Variants in NCAPG observed in about 807,000 individuals in gnomAD.
NCAPG encodes the protein non-SMC condensin I complex subunit G, also known as condensin complex subunit 3.
Under a neutral mutation model 113.1 loss-of-function variants are expected in NCAPG, and 69 were observed. The observed-to-expected ratio is 0.61, with a 90% confidence interval of 0.50 to 0.75. The LOEUF is 0.75. Ranked by LOEUF, NCAPG falls within the 30% of genes least tolerant of loss-of-function variation. NCAPG has a pLI of 0.00. For missense variants in NCAPG, 1,058 were observed against 1,177.0 expected (o/e 0.90, Z 1.48); for synonymous variants, 370 against 415.8 (o/e 0.89, Z 1.34).
chr4:17,836,393 C>CT (rs924958356), intron 14 of NCAPG, among the ~76,000 whole-genome samples: 1 of 151,952 alleles, frequency 6.6e-6, no homozygotes, highest in African/African-American at 2.4e-5. Context: ...TACAGGTTGT[C>CT]TTTTTACTTT....
intron 3 of NCAPG, 24 bp from the exon 4 acceptor site, chr4:17,814,829 T>C (rs1325579770): frequency 1.2e-6 from 2 of 1,604,248 alleles, no homozygotes; most frequent in East Asian, 4.5e-5. Context: ...TCATCAGTAC[T>C]AAAATGTATT....
At chr4:17,825,592 A>C in intron 11 of NCAPG, 31 bp downstream of exon 11, 514 of 1,500,272 alleles carry the variant, frequency 3.4e-4, no homozygotes, top group Non-Finnish European at 4.2e-4. Flanking sequence ...ACTAAATCTC[A>C]GGTGTTATTA....
chr4:17,831,548 G>C (rs986609430), intron 13 of NCAPG, among the ~76,000 whole-genome samples: 1 of 152,146 alleles, frequency 6.6e-6, no homozygotes, highest in East Asian at 1.9e-4. Flanking sequence ...GTGGGAAGGA[G>C]GAGAGGGAAC....
rs1722694633 is a variant in NCAPG, at chr4:17,844,120, C to A, written c.*695C>A. 1 of 151,784 alleles carries A rather than the reference C, an allele frequency of 6.6e-6. No individual in the cohort carries two copies. Among genetic ancestry groups the A allele is most frequent in the African/African-American group, 2.4e-5 (1 of 41,372 alleles). 9.4% of individuals were successfully genotyped at this position (151,784 alleles called of 1,614,324 possible). ...ATGAAGCTGCTCGCTATATTTTTGGCATAACAAAATAATATTTATTTACTG... is the reference window on the plus strand; with the variant it reads ...ATGAAGCTGCTCGCTATATTTTTGGAATAACAAAATAATATTTATTTACTG... On this transcript the variant is annotated 3_prime_UTR_variant, in exon 21 of 21. Transcript: ENST00000251496.
At chr4:17,833,580 CTTAA>C (rs1721965471) in intron 13 of NCAPG, among the ~76,000 whole-genome samples, 1 of 149,798 alleles carries the variant, frequency 6.7e-6, no homozygotes, top group Non-Finnish European at 1.5e-5. Context: ...TTTTTAATAT[CTTAA>C]TTAAATCCTA....
intron 14 of NCAPG, 51 bp downstream of exon 14, chr4:17,834,574 T>C: frequency 2.6e-6 from 3 of 1,164,444 alleles, no homozygotes; most frequent in Non-Finnish European, 3.5e-6. Context: ...TCAGCATGTA[T>C]TTGTTTATTA....
In NCAPG at chr4:17,833,485, T is replaced by TTTGTTGTTGTTG. The variant is rs11431250; in HGVS notation, c.1885-799_1885-788dup. Among the ~76,000 whole-genome samples, 17 of 148,456 alleles carry TTTGTTGTTGTTG rather than the reference T, an allele frequency of 1.1e-4. 1 individual carries two copies. The East Asian group carries it at 2.0e-3, about 17-fold the overall frequency. On this transcript the variant is annotated intron_variant, in intron 13 of 20. Transcript: ENST00000251496. ...AAAAAAAAAAATATATATATATATTTTTGTTGTTGTTGTTGTTGTTGTTGT... is the reference window on the plus strand; with the variant it reads ...AAAAAAAAAAATATATATATATATTTTTGTTGTTGTTGTTGTTGTTGTTGTTGTTGTTGTTGT...
intron 16 of NCAPG, among the ~76,000 whole-genome samples, chr4:17,839,167 T>C (rs1399126092): frequency 6.6e-6 from 1 of 152,154 alleles, no homozygotes; most frequent in Non-Finnish European, 1.5e-5. Context: ...AAAAGTAGAT[T>C]GGGGCATAGC....
chr4:17,831,140 C>T, intron 13 of NCAPG, 24 bp downstream of exon 13: 1 of 1,608,474 alleles, frequency 6.2e-7, no homozygotes. Context: ...TGTGATAAAT[C>T]TCAACTGTAT....
At chr4:17,831,741 G>A (rs1438472806) in intron 13 of NCAPG, among the ~76,000 whole-genome samples, 1 of 152,144 alleles carries the variant, frequency 6.6e-6, no homozygotes, top group East Asian at 1.9e-4. Context: ...AGGAAAGATT[G>A]AGCAAAGGGA....
chr4:17,834,434 A>G lies in NCAPG; in HGVS notation c.2020A>G (p.Ser674Gly). 6.2e-7 allele frequency: 1 copy of G among 1,611,716 alleles called. No homozygotes were observed. Among genetic ancestry groups the G allele is most frequent in the Non-Finnish European group, 8.5e-7 (1 of 1,178,768 alleles). ...TLHCEGTEIN[S>G]DDEQESKEVE... is the part of the protein sequence containing the mutation. ...TCATTGTGAAGGTACAGAAATAAACAGTGATGATGAGCAAGAATCAAAAGA... is the reference window on the plus strand; with the variant it reads ...TCATTGTGAAGGTACAGAAATAAACGGTGATGATGAGCAAGAATCAAAAGA... The change falls in exon 14 of 21, where the codon AGT (serine) becomes GGT (glycine). Residue 674 changes from serine to glycine, a missense_variant. Physicochemically the swap from Ser to Gly is moderately conservative, Grantham distance 56. Coordinates refer to ENST00000251496, the MANE Select transcript of NCAPG (RefSeq NM_022346.5).
At chr4:17,842,450 A>G (rs969003307) in intron 20 of NCAPG, 71 bp downstream of exon 20, 1 of 1,250,694 alleles carries the variant, frequency 8.0e-7, no homozygotes, top group Non-Finnish European at 1.2e-6. Context: ...GAAAAAAACT[A>G]ATTTTCTTGC....
rs747921581 is a variant in NCAPG at position 17,823,696 on chromosome 4, C to T, written c.1309C>T (p.Pro437Ser). Residue 437 changes from proline to serine, a missense_variant, in exon 9 of 21, where the codon CCA becomes TCA. Transcript: ENST00000251496. The stretch of plus-strand genomic sequence containing the variant: ...GGAGATTCTTATTTTACCCACAATC[C>T]CAATATCCCTGGTTTCTTTTCTTGT... ...LQEILILPTIPISLVSFLVER... is the reference protein window; with the variant it reads ...LQEILILPTISISLVSFLVER... The T allele has an allele frequency of 3.1e-6, 5 of 1,609,680 alleles. No homozygotes were observed. The highest frequency in any genetic ancestry group is 4.2e-6 in the Non-Finnish European group (5 of 1,176,678).
intron 14 of NCAPG, among the ~76,000 whole-genome samples, chr4:17,836,272 T>A (rs1722088019): frequency 6.6e-6 from 1 of 152,224 alleles, no homozygotes; most frequent in Non-Finnish European, 1.5e-5. Context: ...TTTGGATAAA[T>A]GTCTGTTCAA....
chr4:17,824,247 C>G lies in NCAPG; in HGVS notation c.1383+477C>G, dbSNP rs1419790420. ...TTCATAAAGGTATTGTTCTGTATTG[C>G]TTGATAAATACAGAAATAATTGTTT... On this transcript the variant is annotated intron_variant, in intron 9 of 20. Transcript: ENST00000251496. Among the ~76,000 whole-genome samples the G allele has an allele frequency of 2.0e-5, 3 of 152,074 alleles. No homozygotes were observed. In the East Asian group the frequency reaches 5.8e-4, roughly 29 times the overall value.
rs968742156 is a variant in NCAPG, at chr4:17,815,010, C to G, written c.690+12C>G. ...AGCTGGCTTATCAGGTAAATAAGTT[C>G]AATGTCTTGTGTTGGCATATTCTTA... On this transcript the variant is annotated intron_variant, in intron 4 of 20. Coordinates refer to ENST00000251496, the MANE Select transcript of NCAPG (RefSeq NM_022346.5). 1 of 1,613,758 alleles carries G rather than the reference C, an allele frequency of 6.2e-7. No individual in the cohort carries two copies. Among genetic ancestry groups the G allele is most frequent in the African/African-American group, 1.3e-5 (1 of 74,908 alleles).
rs763212023 is a variant in NCAPG, at chr4:17,813,054, G to A, written c.453G>A (p.Leu151=). The A allele has an allele frequency of 2.5e-6, 4 of 1,614,026 alleles. No homozygotes were observed. In the East Asian group the frequency reaches 8.9e-5, roughly 36 times the overall value. Residue 151 remains leucine, a synonymous_variant, in exon 3 of 21, where the codon TTG becomes TTA. Coordinates refer to ENST00000251496, the MANE Select transcript of NCAPG (RefSeq NM_022346.5). ...TTAATAAAGCCATGCTTATTAGATT[G>A]AAAGATAAGATTCCAAATGTGAGAA... is the stretch of plus-strand genomic sequence containing the variant. The part of the protein sequence containing the change: ...DKINKAMLIR[L]KDKIPNVRIQ...
intron 13 of NCAPG, among the ~76,000 whole-genome samples, chr4:17,832,005 A>G (rs1721886189): frequency 6.6e-6 from 1 of 152,166 alleles, no homozygotes; most frequent in African/African-American, 2.4e-5. Context: ...TGAACTCCTC[A>G]GCTTTGCTTT....
At chr4:17,819,653 G>A (rs1033367574) in intron 7 of NCAPG, among the ~76,000 whole-genome samples, 4 of 152,126 alleles carry the variant, frequency 2.6e-5, no homozygotes, top group African/African-American at 9.7e-5. Flanking sequence ...GCCTGCCTTG[G>A]CCTCCCAAAG....
Sources: allele counts gnomAD v4.1 joint callset (sites outside exome capture counted in the v4.1 genomes callset), GRCh38; gene constraint gnomAD v4.1.1; transcripts MANE v1.5; gene names NCBI Gene and HGNC (gene_info 2026-07-23, HGNC 2026-07-21).